Variants in ADGRV1 observed in about 807,000 individuals in gnomAD.
ADGRV1 encodes G-protein coupled receptor 98.
ADGRV1 carries 359 observed loss-of-function variants against 596.2 expected under a neutral mutation model. The ratio of observed to expected loss-of-function variants is 0.60; its 90% CI spans 0.55 to 0.66. ADGRV1 has a LOEUF of 0.66. ADGRV1 is among the 30% of genes least tolerant of loss of function. ADGRV1 has a pLI of 0.00. For synonymous variants in ADGRV1, 2,681 were observed against 2,679.2 expected (o/e 1.00, Z -0.02); for missense variants, 7,274 against 7,575.6 (o/e 0.96, Z 1.48).
intron 77 of ADGRV1, among the ~76,000 whole-genome samples, chr5:90,837,251 AC>A (rs2150348601): frequency 6.6e-6 from 1 of 152,362 alleles, no homozygotes; most frequent in Admixed American, 6.5e-5. Context: ...GATTCCAAAT[AC>A]TTTCTTTTAT....
At chr5:91,129,213 T>A (rs1361684581) in intron 87 of ADGRV1, among the ~76,000 whole-genome samples, 1 of 152,224 alleles carries the variant, frequency 6.6e-6, no homozygotes, top group East Asian at 1.9e-4. Context: ...ACACATATGA[T>A]TTTGATGTAT....
At chr5:90,827,345 GTGTT>G (rs1215060548) in intron 76 of ADGRV1, among the ~76,000 whole-genome samples, 1 of 152,142 alleles carries the variant, frequency 6.6e-6, no homozygotes, top group Non-Finnish European at 1.5e-5. Flanking sequence ...TTTCAATAGA[GTGTT>G]TATTTCTAAG....
chr5:90,718,688 A>T (rs947578729), intron 43 of ADGRV1, among the ~76,000 whole-genome samples: 4 of 151,940 alleles, frequency 2.6e-5, no homozygotes, highest in Admixed American at 6.5e-5. Context: ...TTACATTTAA[A>T]TCTTGAAATA....
intron 85 of ADGRV1, among the ~76,000 whole-genome samples, chr5:91,039,062 T>C (rs1431448878): frequency 6.6e-6 from 1 of 152,176 alleles, no homozygotes; most frequent in East Asian, 1.9e-4. Context: ...TATTCAACCA[T>C]ATCAAATATT....
At chr5:91,088,174 TAG>T (rs1222085152) in intron 86 of ADGRV1, among the ~76,000 whole-genome samples, 5 of 152,198 alleles carry the variant, frequency 3.3e-5, no homozygotes, top group Non-Finnish European at 7.4e-5. Flanking sequence ...TACAATTTTA[TAG>T]AGACTGTAAA....
At chr5:90,589,843 A>G (rs1175058077) in intron 1 of ADGRV1, among the ~76,000 whole-genome samples, 1 of 152,176 alleles carries the variant, frequency 6.6e-6, no homozygotes, top group Non-Finnish European at 1.5e-5. Context: ...CAATGTAGAA[A>G]CTATGGAAAA....
chr5:91,016,731 T>C (rs888876542), intron 85 of ADGRV1, among the ~76,000 whole-genome samples: 2 of 151,942 alleles, frequency 1.3e-5, no homozygotes, highest in Non-Finnish European at 2.9e-5. Flanking sequence ...GAAAAGAAAG[T>C]CATTTAGTTC....
chr5:90,608,249 C>T (rs1455410874), intron 1 of ADGRV1, among the ~76,000 whole-genome samples: 2 of 151,880 alleles, frequency 1.3e-5, no homozygotes, highest in Non-Finnish European at 2.9e-5. Flanking sequence ...GGAGTGGGGG[C>T]AGAAATCACT....
intron 75 of ADGRV1, among the ~76,000 whole-genome samples, chr5:90,818,728 C>T (rs923155185): frequency 2.7e-5 from 4 of 150,434 alleles, no homozygotes; most frequent in Non-Finnish European, 4.4e-5. Flanking sequence ...TATTGATTTG[C>T]GTATATTGAA....
chr5:90,781,306 T>C, intron 64 of ADGRV1, 124 bp from the exon 65 acceptor site: 1 of 743,728 alleles, frequency 1.3e-6, no homozygotes, highest in Non-Finnish European at 2.4e-6. Context: ...TCTTTAAAAG[T>C]ATTGCAGTAC....
At chr5:90,714,125 G>A (rs940762584) in intron 42 of ADGRV1, among the ~76,000 whole-genome samples, 2 of 152,082 alleles carry the variant, frequency 1.3e-5, no homozygotes, top group Non-Finnish European at 2.9e-5. Flanking sequence ...GTACATATAC[G>A]ATAGTTTCTC....
At chr5:90,672,984 C>T (rs1257954505) in intron 22 of ADGRV1, 2 of 382,202 alleles carry the variant, frequency 5.2e-6, no homozygotes, top group Non-Finnish European at 9.3e-6. Context: ...TCCTATGGAT[C>T]TGTCTCCTAT....
At chr5:90,761,206 A>ACT (rs58269655) in intron 58 of ADGRV1, among the ~76,000 whole-genome samples, 9 of 151,884 alleles carry the variant, frequency 5.9e-5, no homozygotes, top group African/African-American at 2.2e-4. Flanking sequence ...ATAACAAATA[A>ACT]GGATTTGGCT....
chr5:90,581,186 C>A (rs116050288), intron 1 of ADGRV1, among the ~76,000 whole-genome samples: 1 of 152,056 alleles, frequency 6.6e-6, no homozygotes, highest in Non-Finnish European at 1.5e-5. Context: ...AGCTTCCTTG[C>A]GATAGGTTAG....
rs555714995 is a variant in ADGRV1 at position 90,834,086 on chromosome 5, A to C, written c.16611+4900A>C. 3.3e-5 allele frequency among the ~76,000 whole-genome samples: 5 copies of C among 152,254 alleles called. No homozygotes were observed. In the East Asian group the frequency reaches 9.6e-4, roughly 29 times the overall value. On this transcript the variant is annotated intron_variant, in intron 77 of 89. Coordinates refer to ENST00000405460, the MANE Select transcript of ADGRV1 (RefSeq NM_032119.4). ...TTGTTGTTTCTATTTATATCTTATT[A>C]TATACTGTCTATGTCTAGAAAAGTT...
At chr5:90,734,178 T>C (rs1561624400) in intron 50 of ADGRV1, among the ~76,000 whole-genome samples, 1 of 152,198 alleles carries the variant, frequency 6.6e-6, no homozygotes, top group Non-Finnish European at 1.5e-5. Flanking sequence ...TTGATAGATA[T>C]ATAGTTTGAG....
intron 83 of ADGRV1, among the ~76,000 whole-genome samples, chr5:90,897,952 G>A (rs374518799): frequency 2.6e-5 from 4 of 152,296 alleles, no homozygotes; most frequent in East Asian, 1.9e-4. Flanking sequence ...GCTGACTTTA[G>A]CCTGGCTTTT....
intron 83 of ADGRV1, among the ~76,000 whole-genome samples, chr5:90,912,578 A>G (rs898699009): frequency 3.3e-5 from 5 of 152,054 alleles, no homozygotes; most frequent in Non-Finnish European, 2.9e-5. Flanking sequence ...TATTGTTGCC[A>G]TCTTTATGTC....
chr5:90,943,444 C>G (rs1776323571), intron 83 of ADGRV1, among the ~76,000 whole-genome samples: 1 of 152,078 alleles, frequency 6.6e-6, no homozygotes, highest in Non-Finnish European at 1.5e-5. Context: ...AGCTGTGTTC[C>G]CTGACCTGCA....
Sources: gnomAD v4.1 joint callset for allele counts (sites outside exome capture counted in the v4.1 genomes callset) on GRCh38, gnomAD v4.1.1 for gene constraint, MANE v1.5 for transcripts, NCBI Gene and HGNC (gene_info 2026-07-23, HGNC 2026-07-21) for gene names.